PLEK: variants seen among roughly 807,000 people sequenced by gnomAD.
PLEK encodes pleckstrin, also known as platelet 47 kDa protein.
Under a neutral mutation model 43.9 loss-of-function variants are expected in PLEK, and 25 were observed. The ratio of observed to expected loss-of-function variants is 0.57; its 90% CI spans 0.41 to 0.79. The LOEUF is 0.79. PLEK is among the 30% of genes least tolerant of loss of function. The pLI, the probability that PLEK is intolerant of heterozygous loss-of-function variation, is 0.00. For missense variants in PLEK, 396 were observed against 413.3 expected, an observed-to-expected ratio of 0.96 and a Z score of 0.36; for synonymous variants, 152 against 144.4, an observed-to-expected ratio of 1.05 and a Z score of -0.38.
chr2:68,366,271 A>C (rs529977381), intron 1 of PLEK, among the ~76,000 whole-genome samples: 1 of 152,240 alleles, frequency 6.6e-6, no homozygotes, highest in Admixed American at 6.5e-5. Context: ...TGAACAGTGA[A>C]TGTGAGTCTG....
At chr2:68,385,966 A>C (rs957514067) in intron 4 of PLEK, among the ~76,000 whole-genome samples, 2 of 152,162 alleles carry the variant, frequency 1.3e-5, no homozygotes, top group Admixed American at 6.5e-5. Flanking sequence ...GTGCTCAGTA[A>C]ATGTTTGTTC....
Position 68,380,440 on chromosome 2 carries a change from G to C in PLEK, c.155G>C (p.Gly52Ala). The C allele has an allele frequency of 6.2e-7, 1 of 1,613,984 alleles. No homozygotes were observed. Among genetic ancestry groups the C allele is most frequent in the East Asian group, 2.2e-5 (1 of 44,876 alleles). ...CCCAAAGGAATGATCCCGCTGAAAGGGAGCACTCTGACTAGCCCTTGTCAA... is the reference window on the plus strand; with the variant it reads ...CCCAAAGGAATGATCCCGCTGAAAGCGAGCACTCTGACTAGCCCTTGTCAA... ...NSPKGMIPLKGSTLTSPCQDF... is the reference protein window; with the variant it reads ...NSPKGMIPLKASTLTSPCQDF... The change falls in exon 2 of 9, where the codon GGG becomes GCG. Residue 52 changes from glycine (G) to alanine (A), a missense_variant. Transcript: ENST00000234313.
In PLEK at chr2:68,389,183, G is replaced by C. The variant is rs185212545; in HGVS notation, c.762+692G>C. On this transcript the variant is annotated intron_variant, in intron 6 of 8. Coordinates refer to ENST00000234313, the MANE Select transcript of PLEK (RefSeq NM_002664.3). The stretch of plus-strand genomic sequence containing the variant: ...GAGGTAAGAGATGGACAGGGGCCAA[G>C]ATGACTGAGGAAGCCAGGACCAGTA... 8.5e-4 allele frequency among the ~76,000 whole-genome samples: 130 copies of C among 152,358 alleles called. 1 individual carries two copies. Among genetic ancestry groups the C allele is most frequent in the African/African-American group, 2.9e-3 (122 of 41,576 alleles).
intron 1 of PLEK, among the ~76,000 whole-genome samples, chr2:68,371,796 A>AC (rs1267169884): frequency 1.5e-5 from 2 of 130,358 alleles, no homozygotes; most frequent in African/African-American, 5.6e-5. Context: ...CAACGAGTTT[A>AC]GTTTTTTTTT....
chr2:68,395,653 G>A (rs780139251), intron 8 of PLEK, 27 bp from the exon 9 acceptor site: 11 of 1,613,642 alleles, frequency 6.8e-6, no homozygotes, highest in Non-Finnish European at 7.6e-6. Flanking sequence ...GCCTGTGCGT[G>A]CTGCCATTTG....
intron 1 of PLEK, among the ~76,000 whole-genome samples, chr2:68,379,540 A>G (rs1673571064): frequency 6.6e-6 from 1 of 152,136 alleles, no homozygotes; most frequent in Non-Finnish European, 1.5e-5. Flanking sequence ...CTCTAAGATC[A>G]TGTGTCAGAT....
rs1298487219 is a variant in PLEK at position 68,380,445 on chromosome 2, A to G, written c.160A>G (p.Thr54Ala). ...AGGAATGATCCCGCTGAAAGGGAGCACTCTGACTAGCCCTTGTCAAGACTT... is the reference window on the plus strand; with the variant it reads ...AGGAATGATCCCGCTGAAAGGGAGCGCTCTGACTAGCCCTTGTCAAGACTT... The part of the protein sequence containing the change: ...PKGMIPLKGS[T>A]LTSPCQDFGK... The change falls in exon 2 of 9, where the codon ACT becomes GCT. Residue 54 changes from threonine to alanine, a missense_variant. Thr to Ala is a moderately conservative substitution (Grantham distance 58, BLOSUM62 0). Transcript: ENST00000234313. 2 of 1,614,000 alleles carry G rather than the reference A, an allele frequency of 1.2e-6. No individual in the cohort carries two copies. The highest frequency in any genetic ancestry group is 1.7e-5 in the Admixed American group (1 of 60,006).
At chr2:68,372,323 A>G (rs1376306529) in intron 1 of PLEK, among the ~76,000 whole-genome samples, 2 of 151,930 alleles carry the variant, frequency 1.3e-5, no homozygotes, top group Non-Finnish European at 2.9e-5. Context: ...GTAGGTGTGC[A>G]TCACCACACC....
chr2:68,382,850 T>C (rs1390840937), intron 4 of PLEK, among the ~76,000 whole-genome samples: 1 of 152,170 alleles, frequency 6.6e-6, no homozygotes, highest in Non-Finnish European at 1.5e-5. Flanking sequence ...TTGTTCAAGT[T>C]AACATTTGTT....
intron 1 of PLEK, among the ~76,000 whole-genome samples, chr2:68,379,140 A>G (rs1466622334): frequency 6.6e-6 from 1 of 152,114 alleles, no homozygotes; most frequent in Non-Finnish European, 1.5e-5. Context: ...TCTCAAAAAA[A>G]TAAAAATAAA....
In PLEK at chr2:68,392,174, CCTTCTT is replaced by C. The variant is rs376729611; in HGVS notation, c.763-975_763-970del. On this transcript the variant is annotated intron_variant, in intron 6 of 8. Coordinates refer to ENST00000234313, the MANE Select transcript of PLEK (RefSeq NM_002664.3). ...TTCCTCCCCCTTTTCTCCTCCTCCTCCTTCTTCTTCTTCTTCTTTCTCCTCCTCCTC... is the reference window on the plus strand; with the variant it reads ...TTCCTCCCCCTTTTCTCCTCCTCCTCCTTCTTCTTCTTTCTCCTCCTCCTC... Among the ~76,000 whole-genome samples the C allele has an allele frequency of 2.7e-5, 4 of 149,506 alleles. No homozygotes were observed. The South Asian group carries it at 8.4e-4, about 31-fold the overall frequency.
At chr2:68,380,159 C>T (rs566136647) in intron 1 of PLEK, among the ~76,000 whole-genome samples, 169 bp from the exon 2 acceptor site, 2 of 152,244 alleles carry the variant, frequency 1.3e-5, no homozygotes, top group Non-Finnish European at 2.9e-5. Flanking sequence ...ATGAGAATGG[C>T]TCCCCAAGTA....
chr2:68,381,468 G>C (rs1289479745), intron 3 of PLEK, among the ~76,000 whole-genome samples: 1 of 152,162 alleles, frequency 6.6e-6, no homozygotes, highest in African/African-American at 2.4e-5. Flanking sequence ...GACAGAGGTT[G>C]GGAATGGGAT....
chr2:68,385,210 C>G (rs1228657112), intron 4 of PLEK, among the ~76,000 whole-genome samples: 2 of 152,190 alleles, frequency 1.3e-5, no homozygotes, highest in South Asian at 2.1e-4. Context: ...GTGATCAAAT[C>G]GTGGTAACTA....
At chr2:68,392,757 T>A (rs1345860483) in intron 6 of PLEK, among the ~76,000 whole-genome samples, 1 of 152,258 alleles carries the variant, frequency 6.6e-6, no homozygotes, top group Non-Finnish European at 1.5e-5. Context: ...GCCTTTGGAA[T>A]CCATTATCTA....
At chr2:68,378,770 C>T (rs1277012531) in intron 1 of PLEK, among the ~76,000 whole-genome samples, 2 of 152,148 alleles carry the variant, frequency 1.3e-5, no homozygotes, top group Non-Finnish European at 2.9e-5. Context: ...TCATTCTTAT[C>T]ATTTTAGTGC....
intron 6 of PLEK, among the ~76,000 whole-genome samples, chr2:68,390,470 T>C (rs1040992808): frequency 3.9e-5 from 6 of 152,218 alleles, no homozygotes; most frequent in African/African-American, 1.2e-4. Flanking sequence ...AAAACAGAAA[T>C]CTACGTGCAT....
Position 68,380,782 on chromosome 2 carries a change from G to A in PLEK, c.258G>A (p.Leu86=), listed in dbSNP as rs1234047752. 1.2e-6 allele frequency: 2 copies of A among 1,614,004 alleles called. No individual in the cohort carries two copies. Among genetic ancestry groups the A allele is most frequent in the Non-Finnish European group, 1.7e-6 (2 of 1,179,894 alleles). The change falls in exon 3 of 9, where the codon CTG becomes CTA. Residue 86 remains leucine (L), a synonymous_variant. Coordinates refer to ENST00000234313, the MANE Select transcript of PLEK (RefSeq NM_002664.3). ...ACCACTTCTTCCAGGCAGCCTTCCTGGAGGAGAGAGATGCCTGGGTTCGGG... is the reference window on the plus strand; with the variant it reads ...ACCACTTCTTCCAGGCAGCCTTCCTAGAGGAGAGAGATGCCTGGGTTCGGG... ...QQDHFFQAAF[L]EERDAWVRDI...
rs145270664 is a variant in PLEK at position 68,392,380 on chromosome 2, G to T, written c.763-782G>T. Among the ~76,000 whole-genome samples the T allele has an allele frequency of 1.9e-3, 286 of 152,014 alleles. 2 individuals are homozygous for T. The highest frequency in any genetic ancestry group is 6.5e-3 in the African/African-American group (269 of 41,448). On this transcript the variant is annotated intron_variant, in intron 6 of 8. Transcript: ENST00000234313. ...TTTTCCTGGGCTTTCCTTTAATCTA[G>T]CCAGCTGGTCCATCCTGCACTTTGT...
Sources: allele counts gnomAD v4.1 joint callset (sites outside exome capture counted in the v4.1 genomes callset), GRCh38; gene constraint gnomAD v4.1.1; transcripts MANE v1.5; gene names NCBI Gene and HGNC (gene_info 2026-07-23, HGNC 2026-07-21).